The following GRID1 variants were observed in gnomAD, a reference collection of about 807,000 sequenced individuals.
The protein encoded by GRID1 is glutamate receptor ionotropic, delta-1.
GRID1 carries 28 observed loss-of-function variants against 98.0 expected under a neutral mutation model. The ratio of observed to expected loss-of-function variants is 0.29; its 90% CI spans 0.21 to 0.39. GRID1 has a LOEUF of 0.39. GRID1 is among the 10% of genes least tolerant of loss of function. The pLI is 1.00. For missense variants in GRID1, 1,111 were observed against 1,340.5 expected (o/e 0.83, Z 2.67); for synonymous variants, 553 against 538.5 (o/e 1.03, Z -0.37).
intron 4 of GRID1, among the ~76,000 whole-genome samples, chr10:85,918,543 T>C (rs937025771): frequency 1.3e-5 from 2 of 152,184 alleles, no homozygotes; most frequent in African/African-American, 4.8e-5. Context: ...CAATGCACAC[T>C]ATAGCCCAGT....
chr10:86,087,149 A>G (rs1394709624), intron 4 of GRID1, among the ~76,000 whole-genome samples: 1 of 152,136 alleles, frequency 6.6e-6, no homozygotes, highest in Non-Finnish European at 1.5e-5. Flanking sequence ...GGCTATACAC[A>G]CTTATACACA....
Position 85,602,354 on chromosome 10 carries a change from G to T in GRID1, c.2949C>A (p.Thr983=). The T allele has an allele frequency of 6.3e-7, 1 of 1,593,002 alleles. No homozygotes were observed. Among genetic ancestry groups the T allele is most frequent in the East Asian group, 2.2e-5 (1 of 44,558 alleles). The change falls in exon 16 of 16, where the codon ACC becomes ACA. Residue 983 remains threonine (T), a synonymous_variant. Coordinates refer to ENST00000327946, the MANE Select transcript of GRID1 (RefSeq NM_017551.3). ...CGGGCTGGAAGGACATGGGGATGGG[G>T]GTCTTCACCGGGCTCTGCCGGAACA... ...GGLFRQSPVK[T]PIPMSFQPVP...
At chr10:86,046,438 T>A (rs1843425547) in intron 4 of GRID1, among the ~76,000 whole-genome samples, 1 of 152,192 alleles carries the variant, frequency 6.6e-6, no homozygotes, top group Non-Finnish European at 1.5e-5. Flanking sequence ...TCCAGGAACC[T>A]TCATGAGCTA....
chr10:85,647,487 C>A, intron 12 of GRID1, 90 bp from the exon 13 acceptor site: 1 of 982,374 alleles, frequency 1.0e-6, no homozygotes, highest in South Asian at 1.5e-5. Flanking sequence ...CTTCTGAACT[C>A]CAAGCCCGGC....
intron 2 of GRID1, among the ~76,000 whole-genome samples, chr10:86,342,292 ACAAAGG>A (rs908133809): frequency 1.6e-4 from 25 of 152,300 alleles, no homozygotes; most frequent in African/African-American, 5.5e-4. Context: ...GCTGTAGCTC[ACAAAGG>A]CCACACAGCA....
chr10:86,116,709 C>T (rs1844587029), intron 4 of GRID1, among the ~76,000 whole-genome samples: 1 of 152,134 alleles, frequency 6.6e-6, no homozygotes, highest in Non-Finnish European at 1.5e-5. Context: ...TGCCCCCCAC[C>T]ACCACCATTT....
At chr10:85,746,375 A>G (rs1841997396) in intron 8 of GRID1, among the ~76,000 whole-genome samples, 1 of 152,174 alleles carries the variant, frequency 6.6e-6, no homozygotes, top group Non-Finnish European at 1.5e-5. Context: ...TTCCAAGTCT[A>G]GCAATAACAT....
At chr10:85,930,451 A>G (rs1841835409) in intron 4 of GRID1, among the ~76,000 whole-genome samples, 1 of 151,778 alleles carries the variant, frequency 6.6e-6, no homozygotes, top group Non-Finnish European at 1.5e-5. Flanking sequence ...ATGCAACAAA[A>G]TAAGCTTTCC....
intron 5 of GRID1, among the ~76,000 whole-genome samples, chr10:85,907,060 T>C (rs1191237266): frequency 1.3e-5 from 2 of 152,156 alleles, no homozygotes; most frequent in African/African-American, 4.8e-5. Flanking sequence ...CAACAAATAT[T>C]GAAAGGATGC....
intron 3 of GRID1, among the ~76,000 whole-genome samples, chr10:86,186,723 C>T (rs1373732058): frequency 6.6e-6 from 1 of 152,198 alleles, no homozygotes; most frequent in Non-Finnish European, 1.5e-5. Context: ...TCAATGCTGG[C>T]ATGCAGTGAT....
At chr10:85,935,490 A>C (rs557235409) in intron 4 of GRID1, among the ~76,000 whole-genome samples, 1 of 152,156 alleles carries the variant, frequency 6.6e-6, no homozygotes, top group South Asian at 2.1e-4. Context: ...TATCAGCCTG[A>C]CCCTCCACAT....
chr10:85,889,223 G>C (rs1841160262), intron 5 of GRID1, among the ~76,000 whole-genome samples: 1 of 152,178 alleles, frequency 6.6e-6, no homozygotes, highest in African/African-American at 2.4e-5. Flanking sequence ...GCAGTCACAG[G>C]CAGAGACATG....
intron 4 of GRID1, among the ~76,000 whole-genome samples, chr10:85,969,572 G>A (rs917887013): frequency 2.0e-5 from 3 of 152,018 alleles, no homozygotes; most frequent in Non-Finnish European, 4.4e-5. Context: ...GTGGAAATTA[G>A]ACCACAAACC....
intron 8 of GRID1, among the ~76,000 whole-genome samples, chr10:85,811,258 T>C (rs897228650): frequency 1.3e-5 from 2 of 152,142 alleles, no homozygotes; most frequent in East Asian, 1.9e-4. Context: ...ATGAAACCTA[T>C]TCTATAAAAT....
At chr10:86,071,434 A>G (rs549123158) in intron 4 of GRID1, among the ~76,000 whole-genome samples, 1 of 152,232 alleles carries the variant, frequency 6.6e-6, no homozygotes, top group Non-Finnish European at 1.5e-5. Context: ...CATCATCCAC[A>G]AAACTGCGTC....
intron 8 of GRID1, among the ~76,000 whole-genome samples, chr10:85,823,068 T>C (rs536322426): frequency 2.7e-4 from 41 of 152,224 alleles, no homozygotes; most frequent in African/African-American, 9.4e-4. Context: ...GGGATAGCAT[T>C]AGGAGATATA....
intron 6 of GRID1, among the ~76,000 whole-genome samples, chr10:85,866,105 A>G (rs1843218844): frequency 6.6e-6 from 1 of 150,630 alleles, no homozygotes; most frequent in African/African-American, 2.4e-5. Flanking sequence ...GGCCTTGTAT[A>G]AAGAACTACA....
chr10:86,257,674 G>A (rs1846943764), intron 2 of GRID1, among the ~76,000 whole-genome samples: 3 of 152,156 alleles, frequency 2.0e-5, no homozygotes, highest in Admixed American at 2.0e-4. Flanking sequence ...CATTCAGTAG[G>A]GACAGTGATA....
intron 5 of GRID1, among the ~76,000 whole-genome samples, chr10:85,912,132 T>C (rs1261664835): frequency 6.6e-6 from 1 of 152,256 alleles, no homozygotes; most frequent in Non-Finnish European, 1.5e-5. Flanking sequence ...GATTCAGTGA[T>C]GAGCTGAATC....
Sources: gnomAD v4.1 joint callset for allele counts (sites outside exome capture counted in the v4.1 genomes callset) on GRCh38, gnomAD v4.1.1 for gene constraint, MANE v1.5 for transcripts, NCBI Gene and HGNC (gene_info 2026-07-23, HGNC 2026-07-21) for gene names.